Variants in EYA1 observed in about 807,000 individuals in gnomAD.
The protein encoded by EYA1 is protein phosphatase EYA1.
In EYA1, 16 loss-of-function variants were observed where a neutral mutation model predicts 82.0. The ratio of observed to expected loss-of-function variants is 0.20; its 90% CI spans 0.13 to 0.30. The LOEUF is 0.30. Among genes scored for constraint, EYA1 ranks in the 10% least tolerant of loss-of-function variants. The pLI, the probability that EYA1 is intolerant of heterozygous loss-of-function variation, is 1.00. For synonymous variants in EYA1, 261 were observed against 264.4 expected, an observed-to-expected ratio of 0.99 and a Z score of 0.12; for missense variants, 633 against 730.7, an observed-to-expected ratio of 0.87 and a Z score of 1.54.
chr8:71,314,322 C>T (rs759762195), intron 7 of EYA1, among the ~76,000 whole-genome samples: 2 of 152,096 alleles, frequency 1.3e-5, no homozygotes, highest in Non-Finnish European at 2.9e-5. Context: ...TTAAGAACTA[C>T]GTATTAATCA....
At chr8:71,337,218 T>C (rs16937594) in intron 3 of EYA1, among the ~76,000 whole-genome samples, 12,963 of 152,192 alleles carry the variant, frequency 0.085, 793 homozygotes, top group African/African-American at 0.17. Flanking sequence ...AAGGAAAAAC[T>C]ATGAATGATC....
intron 2 of EYA1, among the ~76,000 whole-genome samples, chr8:71,417,718 T>C (rs1443968455): frequency 6.6e-6 from 1 of 152,136 alleles, no homozygotes; most frequent in Admixed American, 6.6e-5. Context: ...CAAAGAATGA[T>C]CCGGCCAACA....
intron 2 of EYA1, among the ~76,000 whole-genome samples, chr8:71,507,289 T>C (rs1490295778): frequency 6.6e-6 from 1 of 152,214 alleles, no homozygotes; most frequent in Non-Finnish European, 1.5e-5. Context: ...CCCTGAGTGG[T>C]GGGTTCCAGA....
intron 2 of EYA1, among the ~76,000 whole-genome samples, chr8:71,487,965 T>A (rs1042074314): frequency 6.6e-6 from 1 of 152,034 alleles, no homozygotes; most frequent in Non-Finnish European, 1.5e-5. Flanking sequence ...CTGGAAGAAA[T>A]AAGTGCAAAT....
At chr8:71,318,064 A>G (rs1252442774) in intron 6 of EYA1, among the ~76,000 whole-genome samples, 1 of 152,220 alleles carries the variant, frequency 6.6e-6, no homozygotes, top group African/African-American at 2.4e-5. Context: ...AAATGTTCCC[A>G]AAGTTGCTAT....
chr8:71,437,557 ATAT>A (rs1028584303), intron 2 of EYA1, among the ~76,000 whole-genome samples: 5 of 152,162 alleles, frequency 3.3e-5, no homozygotes, highest in Admixed American at 6.6e-5. Context: ...TTCATGTGGT[ATAT>A]TATTATTATT....
At chr8:71,416,579 T>C (rs973057282) in intron 2 of EYA1, among the ~76,000 whole-genome samples, 1 of 152,234 alleles carries the variant, frequency 6.6e-6, no homozygotes, top group African/African-American at 2.4e-5. Flanking sequence ...CCACATTTAC[T>C]AGGTTAAAGG....
Position 71,421,798 on chromosome 8 carries a change from A to G in EYA1, c.34-65287T>C, listed in dbSNP as rs897390979. 5.1e-4 allele frequency among the ~76,000 whole-genome samples: 78 copies of G among 152,194 alleles called. 2 individuals carry two copies. The highest frequency in any genetic ancestry group is 1.2e-4 in the Non-Finnish European group (8 of 68,036). ...ATGGGATGTCAAAAAGGTACCTGAA[A>G]CTGAACTAATGTGCTCTAAGCAGCT... is the stretch of plus-strand genomic sequence containing the variant. On this transcript the variant is annotated intron_variant, in intron 2 of 18. Transcript: ENST00000643681.
At chr8:71,235,029 A>G (rs1312403996) in intron 12 of EYA1, among the ~76,000 whole-genome samples, 1 of 152,114 alleles carries the variant, frequency 6.6e-6, no homozygotes, top group Non-Finnish European at 1.5e-5. Flanking sequence ...CTGATCCATT[A>G]GCAAATTCTG....
At chr8:71,376,545 T>C (rs1417066053) in intron 2 of EYA1, among the ~76,000 whole-genome samples, 2 of 152,260 alleles carry the variant, frequency 1.3e-5, no homozygotes, top group Non-Finnish European at 1.5e-5. Context: ...GTTATTGTAG[T>C]AGTCCAGGTG....
intron 2 of EYA1, among the ~76,000 whole-genome samples, chr8:71,455,343 G>C (rs1271872296): frequency 6.6e-6 from 1 of 152,140 alleles, no homozygotes; most frequent in Admixed American, 6.5e-5. Flanking sequence ...GGAGGAGCTG[G>C]TACCATTCCT....
intron 2 of EYA1, among the ~76,000 whole-genome samples, chr8:71,468,283 C>G (rs1358062242): frequency 6.6e-6 from 1 of 152,118 alleles, no homozygotes; most frequent in Non-Finnish European, 1.5e-5. Context: ...CTGGTCTTCC[C>G]ACTCACTACT....
chr8:71,505,873 G>C (rs1251626519), intron 2 of EYA1, among the ~76,000 whole-genome samples: 2 of 152,124 alleles, frequency 1.3e-5, no homozygotes, highest in Non-Finnish European at 2.9e-5. Flanking sequence ...GTGAGACCTG[G>C]TGGGAGGTGA....
chr8:71,418,374 C>A (rs909321615), intron 2 of EYA1, among the ~76,000 whole-genome samples: 1 of 152,128 alleles, frequency 6.6e-6, no homozygotes, highest in Non-Finnish European at 1.5e-5. Context: ...TTCTGCTATT[C>A]TCTCTCCATG....
chr8:71,316,997 A>G lies in EYA1; in HGVS notation c.556+555T>C, dbSNP rs200337128. 1.4e-4 allele frequency among the ~76,000 whole-genome samples: 21 copies of G among 152,304 alleles called. No individual in the cohort carries two copies. The East Asian group carries it at 4.0e-3, about 29-fold the overall frequency. On this transcript the variant is annotated intron_variant, in intron 7 of 17. Transcript: ENST00000340726. Reference sequence around the variant, plus strand: ...ATATTTTCAAAAACAGAACCCAGGGACTGATTCTTACAAGCATTTTCTTAA... The same window carrying G: ...ATATTTTCAAAAACAGAACCCAGGGGCTGATTCTTACAAGCATTTTCTTAA...
chr8:71,222,707 T>A (rs1810082141), intron 12 of EYA1, among the ~76,000 whole-genome samples: 1 of 152,232 alleles, frequency 6.6e-6, no homozygotes, highest in African/African-American at 2.4e-5. Flanking sequence ...CAACCCATTT[T>A]ACAGATATGA....
chr8:71,199,289 A>G lies in EYA1; in HGVS notation c.*51T>C. The G allele has an allele frequency of 1.5e-6, 2 of 1,359,534 alleles. No individual in the cohort carries two copies. The highest frequency in any genetic ancestry group is 2.1e-6 in the Non-Finnish European group (2 of 962,440). 84.2% of individuals were successfully genotyped at this position (1,359,534 alleles called of 1,614,324 possible). On this transcript the variant is annotated 3_prime_UTR_variant, in exon 18 of 18. Transcript: ENST00000340726. Reference sequence around the variant, plus strand: ...CTGATGCGAGACTGGGGCCTGCTGGATCTGTCCCTGGTCACAGAGCAGCTG... The same window carrying G: ...CTGATGCGAGACTGGGGCCTGCTGGGTCTGTCCCTGGTCACAGAGCAGCTG...
chr8:71,431,548 T>C (rs1219528172), intron 2 of EYA1, among the ~76,000 whole-genome samples: 1 of 152,164 alleles, frequency 6.6e-6, no homozygotes, highest in Non-Finnish European at 1.5e-5. Flanking sequence ...TAGACATGTA[T>C]AGGAAACAGA....
Position 71,230,288 on chromosome 8 carries a change from T to G in EYA1, c.1141-13265A>C, listed in dbSNP as rs573002173. 2.6e-5 allele frequency among the ~76,000 whole-genome samples: 4 copies of G among 152,292 alleles called. 1 individual carries two copies. The East Asian group carries it at 7.7e-4, about 29-fold the overall frequency. On this transcript the variant is annotated intron_variant, in intron 12 of 17. Transcript: ENST00000340726. ...ACAAAGCAGTGACTCTCTCCCAGATTGAAGATTAGCAAGCACCTGTCAAAA... is the reference window on the plus strand; with the variant it reads ...ACAAAGCAGTGACTCTCTCCCAGATGGAAGATTAGCAAGCACCTGTCAAAA...
Sources: gnomAD v4.1 joint callset for allele counts (sites outside exome capture counted in the v4.1 genomes callset) on GRCh38, gnomAD v4.1.1 for gene constraint, MANE v1.5 for transcripts, NCBI Gene and HGNC (gene_info 2026-07-23, HGNC 2026-07-21) for gene names.